Variants in RASSF8 observed in about 807,000 individuals in gnomAD.
RASSF8 encodes ras association domain-containing protein 8.
A neutral mutation model predicts 48.5 loss-of-function variants in RASSF8; 22 were observed. The ratio of observed to expected loss-of-function variants is 0.45; its 90% CI spans 0.32 to 0.65. The LOEUF is 0.65. Among genes scored for constraint, RASSF8 ranks in the 30% least tolerant of loss-of-function variants. RASSF8 has a pLI of 0.03. For missense variants in RASSF8, 418 were observed against 489.2 expected, an observed-to-expected ratio of 0.85 and a Z score of 1.37; for synonymous variants, 127 against 171.5, an observed-to-expected ratio of 0.74 and a Z score of 2.03.
chr12:26,056,610 C>T (rs1432876594), intron 3 of RASSF8, among the ~76,000 whole-genome samples: 1 of 152,198 alleles, frequency 6.6e-6, no homozygotes, highest in Non-Finnish European at 1.5e-5. Context: ...GATTGTGCCA[C>T]CTGTGATGTG....
At chr12:26,077,131 G>A (rs1434335898), downstream of RASSF8, among the ~76,000 whole-genome samples, 1 of 152,170 alleles carries the variant, frequency 6.6e-6, no homozygotes, top group African/African-American at 2.4e-5. Flanking sequence ...TTGTAAATTT[G>A]TTTGAGTTCT....
chr12:25,989,689 T>A (rs1941969633), intron 1 of RASSF8, among the ~76,000 whole-genome samples: 2 of 152,260 alleles, frequency 1.3e-5, no homozygotes, highest in African/African-American at 4.8e-5. Flanking sequence ...CTCTTCTGAT[T>A]TCTTGCATAA....
At chr12:26,045,695 A>G (rs560666888) in intron 2 of RASSF8, among the ~76,000 whole-genome samples, 1 of 152,220 alleles carries the variant, frequency 6.6e-6, no homozygotes, top group Non-Finnish European at 1.5e-5. Context: ...TTACAATACC[A>G]TAAATGAGAA....
intron 2 of RASSF8, among the ~76,000 whole-genome samples, chr12:26,034,222 T>G (rs1024889661): frequency 2.0e-5 from 3 of 151,782 alleles, no homozygotes; most frequent in Admixed American, 6.6e-5. Flanking sequence ...TAGCTGGGAT[T>G]TGGGGGTGAA....
At chr12:25,961,682 A>G (rs1175382153) in intron 1 of RASSF8, among the ~76,000 whole-genome samples, 3 of 152,214 alleles carry the variant, frequency 2.0e-5, no homozygotes, top group Admixed American at 2.0e-4. Flanking sequence ...TATGGTGAGT[A>G]GAACATCTAA....
rs2063620 is a variant in RASSF8 at position 25,980,655 on chromosome 12, G to T, written c.-202-14382G>T. The stretch of plus-strand genomic sequence containing the variant: ...CGTTAGCTGGTGGGAGTGGGGTGGG[G>T]GTAGTACTAAGTTCTAAGTCCTATG... On this transcript the variant is annotated intron_variant, in intron 1 of 5. Coordinates refer to ENST00000689635, the MANE Select transcript of RASSF8 (RefSeq NM_001394098.1). 3.3e-5 allele frequency among the ~76,000 whole-genome samples: 5 copies of T among 151,992 alleles called. No individual in the cohort carries two copies. The South Asian group carries it at 8.3e-4, about 25-fold the overall frequency.
At chr12:26,074,392 G>A (rs937638799), downstream of RASSF8, among the ~76,000 whole-genome samples, 1 of 152,118 alleles carries the variant, frequency 6.6e-6, no homozygotes, top group Admixed American at 6.5e-5. Context: ...GCCCAGGCTG[G>A]ACGGCAATGG....
At chr12:26,003,081 C>A (rs1247339612) in intron 2 of RASSF8, among the ~76,000 whole-genome samples, 3 of 152,138 alleles carry the variant, frequency 2.0e-5, no homozygotes, top group Non-Finnish European at 2.9e-5. Context: ...AATTTCCCAG[C>A]ACCATATATT....
At chr12:26,013,838 ACT>A (rs1418690796) in intron 2 of RASSF8, among the ~76,000 whole-genome samples, 3 of 152,098 alleles carry the variant, frequency 2.0e-5, no homozygotes, top group Non-Finnish European at 4.4e-5. Context: ...CTAAATTAAG[ACT>A]CTGAAATTCT....
At chr12:26,049,254 G>T (rs1311653651) in intron 2 of RASSF8, among the ~76,000 whole-genome samples, 1 of 152,142 alleles carries the variant, frequency 6.6e-6, no homozygotes, top group Non-Finnish European at 1.5e-5. Context: ...ACTTTTTAGT[G>T]GTGTTGGCTA....
chr12:26,062,857 G>A (rs1047178571), intron 3 of RASSF8, among the ~76,000 whole-genome samples: 1 of 152,104 alleles, frequency 6.6e-6, no homozygotes, highest in Non-Finnish European at 1.5e-5. Flanking sequence ...CTCAGAATCT[G>A]CGAAGCGTTT....
intron 2 of RASSF8, among the ~76,000 whole-genome samples, chr12:26,010,240 G>A (rs764735109): frequency 1.1e-4 from 16 of 152,116 alleles, no homozygotes; most frequent in African/African-American, 3.1e-4. Context: ...GTTTTAAGTC[G>A]AAATTAAATT....
At chr12:25,985,568 T>A (rs1196605128) in intron 1 of RASSF8, among the ~76,000 whole-genome samples, 2 of 152,220 alleles carry the variant, frequency 1.3e-5, no homozygotes, top group African/African-American at 4.8e-5. Flanking sequence ...AATAATTACT[T>A]GAGGTAAATG....
downstream of RASSF8, among the ~76,000 whole-genome samples, chr12:26,074,702 A>C (rs1158538150): frequency 6.6e-6 from 1 of 152,082 alleles, no homozygotes; most frequent in Non-Finnish European, 1.5e-5. Flanking sequence ...GAACCACTAG[A>C]GGGGCAAGGA....
At chr12:26,004,873 A>G (rs1161381269) in intron 2 of RASSF8, among the ~76,000 whole-genome samples, 1 of 152,172 alleles carries the variant, frequency 6.6e-6, no homozygotes, top group African/African-American at 2.4e-5. Flanking sequence ...AGTGAAAGGT[A>G]TAAAATGAGG....
intron 2 of RASSF8, among the ~76,000 whole-genome samples, chr12:26,012,830 A>G (rs1373514618): frequency 4.6e-5 from 7 of 151,968 alleles, no homozygotes; most frequent in African/African-American, 1.7e-4. Flanking sequence ...ACAGGCCACC[A>G]TGCCCACGTA....
intron 3 of RASSF8, among the ~76,000 whole-genome samples, chr12:26,060,889 T>C (rs897193570): frequency 2.0e-4 from 30 of 152,314 alleles, no homozygotes; most frequent in African/African-American, 7.2e-4. Context: ...ATTAAATTCA[T>C]AAGAGATTAG....
intron 2 of RASSF8, among the ~76,000 whole-genome samples, chr12:26,026,947 A>G (rs1165937798): frequency 6.6e-6 from 1 of 152,246 alleles, no homozygotes; most frequent in Non-Finnish European, 1.5e-5. Flanking sequence ...TTGTACATGA[A>G]TGTTCATAGC....
chr12:25,994,282 A>ATTT (rs761250717), intron 1 of RASSF8, among the ~76,000 whole-genome samples: 1 of 148,008 alleles, frequency 6.8e-6, no homozygotes, highest in Non-Finnish European at 1.5e-5. Flanking sequence ...GATTTTTAAA[A>ATTT]AAAAAAAAAA....
Sources: allele counts gnomAD v4.1 joint callset (sites outside exome capture counted in the v4.1 genomes callset), GRCh38; gene constraint gnomAD v4.1.1; transcripts MANE v1.5; gene names NCBI Gene and HGNC (gene_info 2026-07-23, HGNC 2026-07-21).